Variants in ARID4A observed in about 807,000 individuals in gnomAD.
ARID4A encodes AT-rich interaction domain 4A, also known as AT-rich interactive domain-containing protein 4A.
A neutral mutation model predicts 148.6 loss-of-function variants in ARID4A; 39 were observed. The ratio of observed to expected loss-of-function variants is 0.26; its 90% CI spans 0.20 to 0.34. ARID4A has a LOEUF of 0.34. ARID4A is among the 10% of genes least tolerant of loss of function. The pLI, the probability that ARID4A is intolerant of heterozygous loss-of-function variation, is 1.00. For missense variants in ARID4A, 1,265 were observed against 1,449.1 expected (o/e 0.87, Z 2.06); for synonymous variants, 475 against 481.2 (o/e 0.99, Z 0.17).
chr14:58,336,895 CT>C (rs931607510), intron 11 of ARID4A, among the ~76,000 whole-genome samples: 26 of 146,370 alleles, frequency 1.8e-4, no homozygotes, highest in Non-Finnish European at 2.7e-4. Context: ...TTTTTCTTTT[CT>C]TTTTTTTTTG....
intron 3 of ARID4A, 121 bp downstream of exon 3, chr14:58,301,811 TAAAGG>T (rs2031193233): frequency 5.4e-6 from 3 of 557,074 alleles, no homozygotes; most frequent in Admixed American, 3.7e-5. Context: ...ATACCAAACT[TAAAGG>T]AAAAGCACAT....
intron 5 of ARID4A, among the ~76,000 whole-genome samples, chr14:58,311,454 T>C (rs2032024880): frequency 6.6e-6 from 1 of 152,138 alleles, no homozygotes; most frequent in Non-Finnish European, 1.5e-5. Context: ...CTGGCAAGGA[T>C]ATGGAGAAAA....
intron 5 of ARID4A, among the ~76,000 whole-genome samples, chr14:58,311,880 T>C (rs949279829): frequency 6.7e-6 from 1 of 150,220 alleles, no homozygotes; most frequent in Non-Finnish European, 1.5e-5. Context: ...AGTCAAACTC[T>C]TATTAGAGAG....
intron 15 of ARID4A, 151 bp from the exon 16 acceptor site, chr14:58,350,922 A>G (rs2034609719): frequency 1.6e-6 from 1 of 614,536 alleles, no homozygotes. Context: ...TTTTACTTTC[A>G]AAAGGAAGAG....
rs1322829485 is a variant in ARID4A, at chr14:58,364,945, C to G, written c.2856C>G (p.Ile952Met). The change falls in exon 20 of 24, where the codon ATC becomes ATG. Residue 952 changes from isoleucine to methionine, a missense_variant. This residue lies in a region of ARID4A where 666 missense variants were observed against 730.9 expected (regional missense o/e 0.91). Coordinates refer to ENST00000355431, the MANE Select transcript of ARID4A (RefSeq NM_002892.4). The stretch of plus-strand genomic sequence containing the variant: ...AAGATGAGGATGCAATGCCTCTGAT[C>G]GGGCCTGAAACCTTGGTTTGCCATG... The part of the protein sequence containing the change: ...LKEDEDAMPL[I>M]GPETLVCHEV... The G allele has an allele frequency of 1.2e-6, 2 of 1,613,976 alleles. No homozygotes were observed.
intron 16 of ARID4A, 169 bp from the exon 17 acceptor site, chr14:58,353,489 G>C: frequency 1.7e-6 from 1 of 596,534 alleles, no homozygotes. Flanking sequence ...AAATTCCTTA[G>C]TAAGTAGGCC....
Position 58,359,318 on chromosome 14 carries a change from G to A in ARID4A, c.1938+102G>A, listed in dbSNP as rs1014032939. On this transcript the variant is annotated intron_variant, in intron 18 of 23. Transcript: ENST00000355431. ...AAGAACAGTTTTAGGTTTATACCAA[G>A]ATTGAGAGCAAGGTATATAGACCTC... is the stretch of plus-strand genomic sequence containing the variant. The A allele has an allele frequency of 5.2e-6, 6 of 1,150,310 alleles. No individual in the cohort carries two copies. In the East Asian group the frequency reaches 1.5e-4, roughly 30 times the overall value. The allele number at this position is 1,150,310 out of a possible 1,614,324, so 71.3% of individuals were successfully genotyped here.
rs750560771 is a variant in ARID4A, at chr14:58,347,635, T to C, written c.1173-12T>C. On this transcript the variant is annotated splice_polypyrimidine_tract_variant and intron_variant, in intron 14 of 23. Transcript: ENST00000355431. ...ACTGTAAGATTTCTTAAATGAAATA[T>C]TGTTTGTTTAGGTATCTCTATGGTT... The C allele has an allele frequency of 2.0e-6, 3 of 1,516,832 alleles. No homozygotes were observed. Among genetic ancestry groups the C allele is most frequent in the Non-Finnish European group, 2.7e-6 (3 of 1,121,612 alleles). 94.0% of individuals were successfully genotyped at this position (1,516,832 alleles called of 1,614,324 possible). A position where few individuals can be genotyped will look rare whatever the true frequency, so the allele number is the denominator to read the frequency against.
chr14:58,320,695 C>T (rs1056914206), intron 7 of ARID4A, among the ~76,000 whole-genome samples: 2 of 151,750 alleles, frequency 1.3e-5, no homozygotes, highest in Non-Finnish European at 2.9e-5. Context: ...GCAAGCTCCA[C>T]CTCCTGGGTT....
intron 11 of ARID4A, among the ~76,000 whole-genome samples, chr14:58,341,389 C>G (rs974410263): frequency 1.1e-4 from 16 of 152,246 alleles, no homozygotes; most frequent in African/African-American, 3.1e-4. Context: ...TGCCCATTTG[C>G]TGTAGCTCCA....
intron 18 of ARID4A, 21 bp downstream of exon 18, chr14:58,359,237 C>T (rs772681130): frequency 5.8e-6 from 9 of 1,558,580 alleles, no homozygotes; most frequent in Admixed American, 2.1e-5. Context: ...AGATTTATGT[C>T]CTTTATAATA....
chr14:58,353,769 G>T lies in ARID4A; in HGVS notation c.1767G>T (p.Gln589His). The T allele has an allele frequency of 6.2e-7, 1 of 1,614,044 alleles. No individual in the cohort carries two copies. Among genetic ancestry groups the T allele is most frequent in the South Asian group, 1.1e-5 (1 of 91,080 alleles). ...VKVKYGRGKT[Q>H]KIYEASIKST... is the part of the protein sequence containing the mutation. Reference sequence around the variant, plus strand: ...TAAAATATGGACGAGGGAAGACTCAGAAAATTTATGAAGCCAGTATTAAAA... The same window carrying T: ...TAAAATATGGACGAGGGAAGACTCATAAAATTTATGAAGCCAGTATTAAAA... The change falls in exon 17 of 24, where the codon CAG (glutamine) becomes CAT (histidine). Residue 589 changes from glutamine (Q) to histidine (H), a missense_variant. Gln to His is a conservative substitution (Grantham distance 24). Around this residue, in one of 9 missense-constraint regions of ARID4A, gnomAD observed 30 missense variants for 65.7 expected, o/e 0.46. Transcript: ENST00000355431.
intron 8 of ARID4A, 66 bp downstream of exon 8, chr14:58,323,683 A>G: frequency 2.1e-6 from 3 of 1,409,582 alleles, no homozygotes; most frequent in Non-Finnish European, 2.9e-6. Context: ...GATTTTTTTA[A>G]AAGCATTTAA....
intron 11 of ARID4A, among the ~76,000 whole-genome samples, chr14:58,343,151 A>G (rs567099928): frequency 1.4e-4 from 22 of 152,308 alleles, no homozygotes; most frequent in African/African-American, 3.1e-4. Flanking sequence ...TTAAATTCAC[A>G]TGGGGAAAAA....
intron 2 of ARID4A, among the ~76,000 whole-genome samples, chr14:58,300,987 G>A (rs1184490472): frequency 7.2e-5 from 11 of 152,148 alleles, no homozygotes; most frequent in Admixed American, 6.5e-5. Context: ...GAAGATTAGT[G>A]TGGTAAACTA....
At chr14:58,357,587 C>T (rs1466625215) in intron 17 of ARID4A, among the ~76,000 whole-genome samples, 1 of 150,276 alleles carries the variant, frequency 6.7e-6, no homozygotes, top group Admixed American at 6.7e-5. Flanking sequence ...TTTCTTAAAA[C>T]ATGAGTTTTT....
chr14:58,331,796 CTG>C (rs1195813100), intron 11 of ARID4A, among the ~76,000 whole-genome samples: 2 of 152,016 alleles, frequency 1.3e-5, no homozygotes, highest in African/African-American at 4.8e-5. Context: ...TGTATTTTAT[CTG>C]TATTTATTTA....
chr14:58,307,163 GT>G (rs1020999065), intron 5 of ARID4A, among the ~76,000 whole-genome samples: 1 of 152,170 alleles, frequency 6.6e-6, no homozygotes, highest in Admixed American at 6.5e-5. Context: ...CTATAGCATT[GT>G]TGGTTTTTAT....
chr14:58,327,336 A>G (rs2033271637), intron 8 of ARID4A, among the ~76,000 whole-genome samples: 1 of 152,198 alleles, frequency 6.6e-6, no homozygotes, highest in Non-Finnish European at 1.5e-5. Context: ...GATATATTTA[A>G]TCAGCTTTTA....
Sources: gnomAD v4.1 joint callset for allele counts (sites outside exome capture counted in the v4.1 genomes callset) on GRCh38, gnomAD v4.1.1 for gene constraint, gnomAD v4.1.1 regional missense constraint, MANE v1.5 for transcripts, NCBI Gene and HGNC (gene_info 2026-07-23, HGNC 2026-07-21) for gene names.